The following ZDHHC13 variants were observed in gnomAD, a reference collection of about 807,000 sequenced individuals.
ZDHHC13 encodes the protein zDHHC palmitoyltransferase 13.
ZDHHC13 carries 85 observed loss-of-function variants against 86.0 expected under a neutral mutation model. The ratio of observed to expected loss-of-function variants is 0.99; its 90% confidence interval spans 0.83 to 1.18. ZDHHC13 has a LOEUF of 1.18. ZDHHC13 is among the 50% of genes most tolerant of loss of function. The pLI is 0.00. For synonymous variants in ZDHHC13, 263 were observed against 246.4 expected (o/e 1.07, Z -0.63); for missense variants, 711 against 730.2 (o/e 0.97, Z 0.30).
intron 2 of ZDHHC13, 138 bp from the exon 3 acceptor site, chr11:19,146,043 A>C: frequency 1.1e-6 from 1 of 891,018 alleles, no homozygotes; most frequent in Non-Finnish European, 1.7e-6. Context: ...CTCTCTATGC[A>C]TGTCTTTGTT....
intron 14 of ZDHHC13, chr11:19,169,227 C>T (rs1850153047): frequency 9.1e-6 from 9 of 985,438 alleles, no homozygotes; most frequent in Non-Finnish European, 1.1e-5. Context: ...TCTCCACCTA[C>T]TGTTGGAAAT....
In ZDHHC13 at chr11:19,159,002, T is replaced by G. The variant is rs1334878872; in HGVS notation, c.1070T>G (p.Phe357Cys). Residue 357 changes from phenylalanine to cysteine, a missense_variant, in exon 10 of 17, where the codon TTT becomes TGT. Physicochemically the swap from Phe to Cys is radical, Grantham distance 205. Coordinates refer to ENST00000446113, the MANE Select transcript of ZDHHC13 (RefSeq NM_019028.3). The stretch of plus-strand genomic sequence containing the variant: ...ACAGCCTTTCTGCTAAGTTCTGTTT[T>G]TTGGATATTTATGACTTGGTTCATC... ...LPTAFLLSSV[F>C]WIFMTWFILF... 1 of 1,549,500 alleles carries G rather than the reference T, an allele frequency of 6.5e-7. No individual in the cohort carries two copies. Among genetic ancestry groups the G allele is most frequent in the Non-Finnish European group, 8.7e-7 (1 of 1,146,104 alleles).
rs1590054905 is a variant in ZDHHC13, at chr11:19,117,944, A to C, written c.27+668A>C. ...CAGTCGGAGAAGTTACAGGAGGTAG[A>C]TGTTGTCTCCAAGAAAACAAGATTT... On this transcript the variant is annotated intron_variant, in intron 1 of 16. Coordinates refer to ENST00000446113, the MANE Select transcript of ZDHHC13 (RefSeq NM_019028.3). This position sits in a 1 kb window ranked among gnomAD's most constrained non-coding sequence, Gnocchi z 4.2. 2 of 152,248 alleles carry C rather than the reference A, an allele frequency of 1.3e-5. No individual in the cohort carries two copies. The highest frequency in any genetic ancestry group is 4.1e-4 in the South Asian group (2 of 4,828). 9.4% of individuals were successfully genotyped at this position (152,248 alleles called of 1,614,324 possible).
intron 9 of ZDHHC13, among the ~76,000 whole-genome samples, chr11:19,157,012 T>C (rs1381334807): frequency 6.6e-6 from 1 of 152,266 alleles, no homozygotes; most frequent in African/African-American, 2.4e-5. Context: ...TGTACCTTCT[T>C]TCTCACACAT....
chr11:19,168,745 C>A, intron 14 of ZDHHC13: 1 of 946,568 alleles, frequency 1.1e-6, no homozygotes, highest in Non-Finnish European at 1.3e-6. Flanking sequence ...ATTACTAGAG[C>A]CCTGCTCTAT....
chr11:19,166,476 G>T, intron 14 of ZDHHC13, 91 bp downstream of exon 14: 1 of 1,052,880 alleles, frequency 9.5e-7, no homozygotes, highest in Non-Finnish European at 1.4e-6. Context: ...TTCTGGCTGG[G>T]TGACTATAAA....
intron 11 of ZDHHC13, among the ~76,000 whole-genome samples, 189 bp from the exon 12 acceptor site, chr11:19,164,112 A>T (rs2133461750): frequency 6.6e-6 from 1 of 152,328 alleles, no homozygotes; most frequent in Non-Finnish European, 1.5e-5. Context: ...CTAATTTATT[A>T]GCTGTTGGTT....
chr11:19,140,740 A>C (rs1849292061), intron 1 of ZDHHC13, among the ~76,000 whole-genome samples: 1 of 152,196 alleles, frequency 6.6e-6, no homozygotes, highest in Non-Finnish European at 1.5e-5. Flanking sequence ...GCAGCCATAA[A>C]AAATGATGAG....
chr11:19,154,228 A>G (rs552555086), intron 8 of ZDHHC13, among the ~76,000 whole-genome samples: 18 of 152,258 alleles, frequency 1.2e-4, no homozygotes, highest in African/African-American at 3.4e-4. Context: ...CTAGAATAGT[A>G]CCTTGCATAT....
chr11:19,134,111 A>C (rs896372792), intron 1 of ZDHHC13, among the ~76,000 whole-genome samples: 1 of 151,998 alleles, frequency 6.6e-6, no homozygotes, highest in African/African-American at 2.4e-5. Flanking sequence ...TAATCTCCTG[A>C]GGAGACTATT....
chr11:19,165,198 T>TA lies in ZDHHC13; in HGVS notation c.1390+54dup, dbSNP rs150498553. ...CTGTGAAGTTAAGCATATGTTTAGT[T>TA]ATGACTCACAGAAAAAGTGGAAGGG... is the stretch of plus-strand genomic sequence containing the variant. On this transcript the variant is annotated intron_variant, in intron 13 of 16. Transcript: ENST00000446113. 1,290 of 1,542,870 alleles carry TA rather than the reference T, an allele frequency of 8.4e-4. 5 individuals are homozygous for TA. The African/African-American group carries it at 0.016, about 19-fold the overall frequency.
At chr11:19,159,164 T>C (rs1027600145) in intron 10 of ZDHHC13, 124 bp downstream of exon 10, 2 of 615,424 alleles carry the variant, frequency 3.2e-6, no homozygotes, top group African/African-American at 1.9e-5. Flanking sequence ...ATTCATTTAA[T>C]GGTTCTGGAT....
In ZDHHC13 at chr11:19,158,980, G is replaced by A. The variant is rs1472675707; in HGVS notation, c.1048G>A (p.Ala350Thr). 6.5e-7 allele frequency: 1 copy of A among 1,549,194 alleles called. No individual in the cohort carries two copies. The highest frequency in any genetic ancestry group is 8.7e-7 in the Non-Finnish European group (1 of 1,146,124). ...GYKNLVYLPTAFLLSSVFWIF... is the reference protein window; with the variant it reads ...GYKNLVYLPTTFLLSSVFWIF... ...TAAGAACCTTGTATACTTACCAACAGCCTTTCTGCTAAGTTCTGTTTTTTG... is the reference window on the plus strand; with the variant it reads ...TAAGAACCTTGTATACTTACCAACAACCTTTCTGCTAAGTTCTGTTTTTTG... Residue 350 changes from alanine (A) to threonine (T), a missense_variant, in exon 10 of 17, where the codon GCC (alanine) becomes ACC (threonine). Transcript: ENST00000446113.
chr11:19,155,784 A>ATC lies in ZDHHC13; in HGVS notation c.874-8_874-7dup. ...AATCCATAAAGTTCTAAAATTCTGA[A>ATC]TCTCTTAATAGCTCTTCCTGCTGCT... On this transcript the variant is annotated splice_polypyrimidine_tract_variant and intron_variant, in intron 8 of 16. Coordinates refer to ENST00000446113, the MANE Select transcript of ZDHHC13 (RefSeq NM_019028.3). The ATC allele has an allele frequency of 3.7e-6, 6 of 1,606,726 alleles. No individual in the cohort carries two copies. Among genetic ancestry groups the ATC allele is most frequent in the Non-Finnish European group, 4.2e-6 (5 of 1,178,478 alleles).
intron 1 of ZDHHC13, among the ~76,000 whole-genome samples, chr11:19,135,214 C>A (rs1001623859): frequency 6.6e-6 from 1 of 152,202 alleles, no homozygotes; most frequent in South Asian, 2.1e-4. Context: ...AGTGGGTGCA[C>A]GCACGGTGTG....
At chr11:19,147,550 A>C in intron 3 of ZDHHC13, 46 bp from the exon 4 acceptor site, 2 of 1,488,902 alleles carry the variant, frequency 1.3e-6, no homozygotes, top group Non-Finnish European at 1.8e-6. Flanking sequence ...CTCAATATGA[A>C]GCTTAAGTTT....
At chr11:19,124,761 G>T (rs938019169) in intron 1 of ZDHHC13, among the ~76,000 whole-genome samples, 4 of 123,660 alleles carry the variant, frequency 3.2e-5, no homozygotes, top group Admixed American at 1.6e-4. Flanking sequence ...CTGCGTGTGT[G>T]TGGGGGGGTA....
chr11:19,162,667 A>C lies in ZDHHC13; in HGVS notation c.1109-636A>C, dbSNP rs568722095. ...GTGGTGATCCAATGATTCCCCTGCCATTTGTTTTGTAAGTTAATCAAAATA... is the reference window on the plus strand; with the variant it reads ...GTGGTGATCCAATGATTCCCCTGCCCTTTGTTTTGTAAGTTAATCAAAATA... On this transcript the variant is annotated intron_variant, in intron 10 of 16. Transcript: ENST00000446113. 4.6e-5 allele frequency among the ~76,000 whole-genome samples: 7 copies of C among 152,222 alleles called. No individual in the cohort carries two copies. In the South Asian group the frequency reaches 1.5e-3, roughly 32 times the overall value.
At chr11:19,166,564 G>A (rs1401463181) in intron 14 of ZDHHC13, 179 bp downstream of exon 14, 3 of 492,266 alleles carry the variant, frequency 6.1e-6, no homozygotes, top group East Asian at 6.9e-5. Flanking sequence ...TACAAGATGA[G>A]GTTAGTTCTC....
Sources: allele counts gnomAD v4.1 joint callset (sites outside exome capture counted in the v4.1 genomes callset), GRCh38; gene constraint gnomAD v4.1.1; non-coding constraint Gnocchi (gnomAD v3.1); transcripts MANE v1.5; gene names NCBI Gene and HGNC (gene_info 2026-07-23, HGNC 2026-07-21).